Variants in ASCC3 observed in about 807,000 individuals in gnomAD.
The protein encoded by ASCC3 is activating signal cointegrator 1 complex subunit 3, also known as ASC-1 complex subunit P200.
Under a neutral mutation model 256.3 loss-of-function variants are expected in ASCC3, and 158 were observed. The observed-to-expected ratio is 0.62, with a 90% CI of 0.54 to 0.70. The LOEUF (loss-of-function observed/expected upper bound fraction) is 0.70, where lower values mean the gene tolerates loss of function less well. ASCC3 is among the 30% of genes least tolerant of loss of function. ASCC3 has a pLI of 0.00. For missense variants in ASCC3, 2,259 were observed against 2,626.0 expected, an observed-to-expected ratio of 0.86 and a Z score of 3.05; for synonymous variants, 948 against 883.4, an observed-to-expected ratio of 1.07 and a Z score of -1.30.
intron 13 of ASCC3, among the ~76,000 whole-genome samples, chr6:100,683,472 CT>C (rs777256288): frequency 1.9e-4 from 29 of 149,814 alleles, no homozygotes; most frequent in Non-Finnish European, 3.7e-4. Context: ...AAAATAAACC[CT>C]TTTTTTTAAT....
chr6:100,624,343 T>C (rs1017267771), intron 30 of ASCC3, among the ~76,000 whole-genome samples: 1 of 149,114 alleles, frequency 6.7e-6, no homozygotes, highest in African/African-American at 2.5e-5. Flanking sequence ...CCAAAAGAAA[T>C]GAAGAGACAA....
At chr6:100,667,748 A>C (rs1013114007) in intron 14 of ASCC3, among the ~76,000 whole-genome samples, 5 of 152,082 alleles carry the variant, frequency 3.3e-5, no homozygotes, top group African/African-American at 1.2e-4. Flanking sequence ...AGAGTCAATG[A>C]TTGCCTTTAA....
At chr6:100,802,632 C>T (rs182374554) in intron 5 of ASCC3, among the ~76,000 whole-genome samples, 2 of 152,058 alleles carry the variant, frequency 1.3e-5, no homozygotes, top group African/African-American at 4.8e-5. Context: ...ATAAACAAAA[C>T]TCATCTACAG....
chr6:100,789,642 A>G (rs1424967931), intron 8 of ASCC3, among the ~76,000 whole-genome samples: 1 of 151,910 alleles, frequency 6.6e-6, no homozygotes, highest in Non-Finnish European at 1.5e-5. Flanking sequence ...ACTCAGAAAA[A>G]TTTCTGTTAA....
At chr6:100,852,259 CA>C in intron 3 of ASCC3, among the ~76,000 whole-genome samples, 1 of 152,290 alleles carries the variant, frequency 6.6e-6, no homozygotes, top group Non-Finnish European at 1.5e-5. Flanking sequence ...AACTTACCCT[CA>C]ACAAAAATGT....
intron 5 of ASCC3, among the ~76,000 whole-genome samples, chr6:100,803,256 GTAATCCCCA>G (rs916223560): frequency 3.1e-4 from 47 of 152,156 alleles, no homozygotes; most frequent in African/African-American, 1.0e-3. Context: ...ATGTTGAATT[GTAATCCCCA>G]TAATCCCCAG....
chr6:100,735,153 T>C (rs554549718), intron 10 of ASCC3, among the ~76,000 whole-genome samples: 2 of 152,282 alleles, frequency 1.3e-5, no homozygotes, highest in Admixed American at 6.5e-5. Context: ...TATCAGTGTA[T>C]ATAATAGGAA....
Position 100,633,683 on chromosome 6 carries a change from T to C in ASCC3, c.4123-2470A>G, listed in dbSNP as rs151227228. Reference sequence around the variant, plus strand: ...GAGTTTCAGACCAGCCTGATCAACATGGAGAAACCCCGTCACTACTAAAAA... The same window carrying C: ...GAGTTTCAGACCAGCCTGATCAACACGGAGAAACCCCGTCACTACTAAAAA... On this transcript the variant is annotated intron_variant, in intron 25 of 41. Transcript: ENST00000369162. Among the ~76,000 whole-genome samples, 85 of 150,802 alleles carry C rather than the reference T, an allele frequency of 5.6e-4. 1 individual carries two copies. Among genetic ancestry groups the C allele is most frequent in the African/African-American group, 2.0e-3 (81 of 40,950 alleles).
intron 17 of ASCC3, among the ~76,000 whole-genome samples, chr6:100,653,923 A>C (rs990765793): frequency 6.6e-6 from 1 of 151,970 alleles, no homozygotes; most frequent in Admixed American, 6.6e-5. Context: ...CCTTTAATGG[A>C]GTAGGGGGAG....
intron 16 of ASCC3, among the ~76,000 whole-genome samples, chr6:100,661,351 A>ACACG (rs1554210183): frequency 4.0e-5 from 6 of 151,582 alleles, no homozygotes; most frequent in African/African-American, 1.4e-4. Flanking sequence ...ACACACACAC[A>ACACG]CACACACAAA....
intron 3 of ASCC3, among the ~76,000 whole-genome samples, chr6:100,850,098 CAAAAAAA>C (rs61582863): frequency 2.5e-5 from 2 of 80,610 alleles, no homozygotes; most frequent in Non-Finnish European, 4.7e-5. Flanking sequence ...GAGACTCTAT[CAAAAAAA>C]AAAAAAAAAA....
chr6:100,594,753 T>G (rs902897166), intron 34 of ASCC3, among the ~76,000 whole-genome samples: 1 of 152,098 alleles, frequency 6.6e-6, no homozygotes, highest in Admixed American at 6.6e-5. Flanking sequence ...TGCAGCATTA[T>G]TCACAATAGC....
chr6:100,590,163 T>C (rs1359914377), intron 34 of ASCC3, 104 bp from the exon 35 acceptor site: 8 of 820,170 alleles, frequency 9.8e-6, no homozygotes, highest in Middle Eastern at 3.4e-4. Context: ...CCTTTTATTA[T>C]AAAACCTATC....
intron 4 of ASCC3, among the ~76,000 whole-genome samples, chr6:100,815,901 A>C (rs542655722): frequency 6.6e-6 from 1 of 152,306 alleles, no homozygotes. Context: ...CAATTGCAAA[A>C]ATTGATAAAT....
intron 38 of ASCC3, among the ~76,000 whole-genome samples, chr6:100,517,245 T>C (rs1410495773): frequency 1.3e-5 from 2 of 152,146 alleles, no homozygotes; most frequent in African/African-American, 4.8e-5. Context: ...TGTGTCTAGA[T>C]GTCTCAAATA....
chr6:100,608,118 CTATA>C (rs201020275), intron 30 of ASCC3, among the ~76,000 whole-genome samples: 1 of 23,350 alleles, frequency 4.3e-5, no homozygotes, highest in Non-Finnish European at 9.3e-5. Flanking sequence ...GTATATATAT[CTATA>C]TATACATATA....
At chr6:100,571,258 C>A (rs1274845677) in intron 36 of ASCC3, among the ~76,000 whole-genome samples, 2 of 152,180 alleles carry the variant, frequency 1.3e-5, no homozygotes, top group African/African-American at 4.8e-5. Context: ...TTCCCCAAGG[C>A]TTTCTCATGA....
chr6:100,856,501 CAAG>C, intron 3 of ASCC3: 1 of 804,220 alleles, frequency 1.2e-6, no homozygotes, highest in Non-Finnish European at 1.5e-6. Flanking sequence ...TTGAATATAA[CAAG>C]AAAATATACA....
intron 36 of ASCC3, among the ~76,000 whole-genome samples, chr6:100,549,004 C>T (rs76297701): frequency 0.018 from 2,739 of 151,864 alleles, 74 homozygotes; most frequent in African/African-American, 0.063. Context: ...TAATATATTG[C>T]AATAGGAATT....
Sources: gnomAD v4.1 joint callset for allele counts (sites outside exome capture counted in the v4.1 genomes callset) on GRCh38, gnomAD v4.1.1 for gene constraint, MANE v1.5 for transcripts, NCBI Gene and HGNC (gene_info 2026-07-23, HGNC 2026-07-21) for gene names.